The following RGS6 variants were observed in gnomAD, a reference collection of about 807,000 sequenced individuals.
RGS6 encodes the protein regulator of G-protein signaling 6.
In RGS6, 30 loss-of-function variants were observed where a neutral mutation model predicts 78.5. That is an observed-to-expected ratio of 0.38 (90% CI 0.29 to 0.52). The LOEUF is 0.52. Ranked by LOEUF, RGS6 falls within the 20% of genes least tolerant of loss-of-function variation. The probability of loss-of-function intolerance (pLI) is 0.85; values close to 1 mark genes in which losing one functional copy is unlikely to be tolerated. For missense variants in RGS6, 495 were observed against 609.7 expected, an observed-to-expected ratio of 0.81 and a Z score of 1.98; for synonymous variants, 206 against 206.0, an observed-to-expected ratio of 1.00 and a Z score of 0.00.
chr14:72,287,800 T>C (rs986198437), intron 2 of RGS6, among the ~76,000 whole-genome samples: 26 of 152,362 alleles, frequency 1.7e-4, no homozygotes, highest in Admixed American at 1.6e-3. Flanking sequence ...ACCTAGTTTG[T>C]TGAGAGTTTT....
chr14:72,186,902 T>C (rs2097255819), intron 2 of RGS6, among the ~76,000 whole-genome samples: 2 of 152,192 alleles, frequency 1.3e-5, no homozygotes, highest in Admixed American at 1.3e-4. Context: ...AGAACTTCTT[T>C]TGAGCCCTTG....
chr14:72,620,530 G>A, the RGS6 span, among the ~76,000 whole-genome samples: 1 of 152,164 alleles, frequency 6.6e-6, no homozygotes, highest in Admixed American at 6.5e-5. Flanking sequence ...ACTGTCTGGA[G>A]GCTGGAGCCC....
intron 2 of RGS6, among the ~76,000 whole-genome samples, chr14:72,312,235 T>C (rs879378981): frequency 1.8e-4 from 27 of 151,946 alleles, no homozygotes; most frequent in Middle Eastern, 3.4e-3. Context: ...GTTTTTTTTT[T>C]TTTTTTTTGG....
intron 12 of RGS6, among the ~76,000 whole-genome samples, chr14:72,484,517 A>G (rs1255440344): frequency 1.3e-5 from 2 of 151,818 alleles, no homozygotes; most frequent in Non-Finnish European, 2.9e-5. Context: ...AACTTGTCAT[A>G]GTTTTGTGTG....
chr14:72,116,759 T>C (rs1004257491), intron 2 of RGS6, among the ~76,000 whole-genome samples: 2 of 150,898 alleles, frequency 1.3e-5, no homozygotes, highest in African/African-American at 4.9e-5. Context: ...AGGTTAGGAG[T>C]TCGAAACCAG....
the RGS6 span, among the ~76,000 whole-genome samples, chr14:72,618,998 G>C: frequency 6.6e-6 from 1 of 152,244 alleles, no homozygotes; most frequent in South Asian, 2.1e-4. Context: ...ACCAATGAGA[G>C]GGCCTCGGTG....
chr14:72,491,304 GAAC>G (rs1189161529), intron 12 of RGS6, among the ~76,000 whole-genome samples: 2 of 151,268 alleles, frequency 1.3e-5, no homozygotes, highest in Non-Finnish European at 2.9e-5. Flanking sequence ...AAATCTGTGT[GAAC>G]AACGGTGTTC....
rs140325225 is a variant in RGS6, at chr14:72,284,230, G to A, written c.85-67865G>A. Among the ~76,000 whole-genome samples, 17 of 152,296 alleles carry A rather than the reference G, an allele frequency of 1.1e-4. No individual in the cohort carries two copies. The East Asian group carries it at 1.7e-3, about 16-fold the overall frequency. On this transcript the variant is annotated intron_variant, in intron 2 of 17. Transcript: ENST00000553525. ...CATTTTCTGAGGAGAAATTCAAGCC[G>A]GCTGCAGAGATTTGCAAAAGTAACA... is the stretch of plus-strand genomic sequence containing the variant.
the RGS6 span, among the ~76,000 whole-genome samples, chr14:72,574,340 C>T: frequency 2.0e-5 from 3 of 152,196 alleles, no homozygotes; most frequent in African/African-American, 7.2e-5. Flanking sequence ...TGCCTCCTCC[C>T]GCCCCCTCCA....
intron 2 of RGS6, among the ~76,000 whole-genome samples, chr14:72,171,931 C>T (rs1312917393): frequency 1.3e-5 from 2 of 152,156 alleles, no homozygotes; most frequent in East Asian, 1.9e-4. Flanking sequence ...GGATTCTAAC[C>T]TAGGCCATCT....
intron 3 of RGS6, among the ~76,000 whole-genome samples, chr14:72,376,848 G>A (rs903936615): frequency 1.3e-5 from 2 of 152,058 alleles, no homozygotes; most frequent in African/African-American, 4.8e-5. Context: ...CTTACATCTA[G>A]AAGCGAAAAG....
At chr14:72,053,137 T>TCCTTCC (rs1567108121) in intron 2 of RGS6, among the ~76,000 whole-genome samples, 2 of 102,634 alleles carry the variant, frequency 1.9e-5, no homozygotes, top group East Asian at 2.8e-4. Context: ...TCCTTTCTTT[T>TCCTTCC]TTTGATGGAG....
chr14:72,085,143 T>C (rs1465552124), intron 2 of RGS6, among the ~76,000 whole-genome samples: 1 of 152,154 alleles, frequency 6.6e-6, no homozygotes, highest in Non-Finnish European at 1.5e-5. Context: ...TTACTGAGAG[T>C]AATTATCTTT....
intron 2 of RGS6, among the ~76,000 whole-genome samples, chr14:72,055,607 A>G (rs991740677): frequency 1.4e-4 from 21 of 152,188 alleles, no homozygotes; most frequent in Non-Finnish European, 2.4e-4. Flanking sequence ...CCCCACCTCC[A>G]GAGACTCTGA....
intron 15 of RGS6, among the ~76,000 whole-genome samples, chr14:72,532,916 G>C (rs1000443236): frequency 1.3e-5 from 2 of 152,278 alleles, no homozygotes; most frequent in Non-Finnish European, 2.9e-5. Context: ...GAAACAGCAA[G>C]TGCTGATATA....
chr14:72,270,901 C>T (rs550194352), intron 2 of RGS6, among the ~76,000 whole-genome samples: 1 of 152,326 alleles, frequency 6.6e-6, no homozygotes, highest in African/African-American at 2.4e-5. Flanking sequence ...GTGCAGAAGA[C>T]ATGGGGCATT....
At chr14:72,616,410 T>C in the RGS6 span, among the ~76,000 whole-genome samples, 1 of 152,162 alleles carries the variant, frequency 6.6e-6, no homozygotes, top group Non-Finnish European at 1.5e-5. Context: ...CCCATGCAAG[T>C]CATGATTTCC....
the RGS6 span, among the ~76,000 whole-genome samples, chr14:71,921,800 A>T: frequency 7.2e-5 from 11 of 152,202 alleles, no homozygotes; most frequent in African/African-American, 2.7e-4. Flanking sequence ...CTGATGCCCC[A>T]GCTGAATGCC....
At chr14:72,501,692 A>G (rs1413223815) in intron 13 of RGS6, among the ~76,000 whole-genome samples, 1 of 152,190 alleles carries the variant, frequency 6.6e-6, no homozygotes, top group Non-Finnish European at 1.5e-5. Flanking sequence ...TGGTGCCACT[A>G]ACTAGATGCT....
Sources: gnomAD v4.1 joint callset for allele counts (sites outside exome capture counted in the v4.1 genomes callset) on GRCh38, gnomAD v4.1.1 for gene constraint, MANE v1.5 for transcripts, NCBI Gene and HGNC (gene_info 2026-07-23, HGNC 2026-07-21) for gene names.